CUL3: variants seen among roughly 807,000 people sequenced by gnomAD.
CUL3 encodes cullin 3.
Under a neutral mutation model 89.1 loss-of-function variants are expected in CUL3, and 19 were observed. That is an observed-to-expected ratio of 0.21 (90% CI 0.15 to 0.31). CUL3 has a LOEUF of 0.31. Ranked by LOEUF, CUL3 falls within the 10% of genes least tolerant of loss-of-function variation. CUL3 has a pLI of 1.00. For missense variants in CUL3, 469 were observed against 942.3 expected, an observed-to-expected ratio of 0.50 and a Z score of 6.58; for synonymous variants, 351 against 308.4, an observed-to-expected ratio of 1.14 and a Z score of -1.45.
intron 3 of CUL3, among the ~76,000 whole-genome samples, chr2:224,527,686 T>C (rs1693528417): frequency 6.6e-6 from 1 of 152,310 alleles, no homozygotes; most frequent in Admixed American, 6.5e-5. Context: ...AGATCATCTT[T>C]TTCTTCCCAC....
intron 15 of CUL3, among the ~76,000 whole-genome samples, chr2:224,476,263 C>T (rs1304481704): frequency 1.3e-5 from 2 of 152,100 alleles, no homozygotes; most frequent in Non-Finnish European, 2.9e-5. Flanking sequence ...GTGATCCGCC[C>T]ACCTTGGCCT....
Position 224,486,354 on chromosome 2 carries a change from A to C in CUL3, c.1843-4276T>G, listed in dbSNP as rs1393850856. ...CATGTTCTAACCCTAAGAAGCTAAG[A>C]AGCTAAGAACCTGGATAAAAGGTTA... is the stretch of plus-strand genomic sequence containing the variant. On this transcript the variant is annotated intron_variant, in intron 13 of 15. Coordinates refer to ENST00000264414, the MANE Select transcript of CUL3 (RefSeq NM_003590.5). 2.6e-5 allele frequency among the ~76,000 whole-genome samples: 4 copies of C among 152,158 alleles called. No individual in the cohort carries two copies. In the East Asian group the frequency reaches 7.7e-4, roughly 29 times the overall value.
intron 1 of CUL3, among the ~76,000 whole-genome samples, chr2:224,583,442 T>C (rs1224038986): frequency 6.6e-6 from 1 of 152,190 alleles, no homozygotes; most frequent in Non-Finnish European, 1.5e-5. Context: ...GTGGTCAGAA[T>C]TTAGTAGGAA....
intron 3 of CUL3, among the ~76,000 whole-genome samples, chr2:224,530,881 T>C (rs1332981976): frequency 1.3e-5 from 2 of 151,894 alleles, no homozygotes; most frequent in Non-Finnish European, 2.9e-5. Context: ...GACTCCAGCC[T>C]GGGCGACAGA....
At chr2:224,533,848 C>T (rs1163302013) in intron 3 of CUL3, among the ~76,000 whole-genome samples, 1 of 152,154 alleles carries the variant, frequency 6.6e-6, no homozygotes, top group Non-Finnish European at 1.5e-5. Context: ...AGTGGCCTCT[C>T]CCTGACCCCC....
chr2:224,570,341 C>G (rs749555011), intron 1 of CUL3, among the ~76,000 whole-genome samples: 1 of 152,306 alleles, frequency 6.6e-6, no homozygotes, highest in South Asian at 2.1e-4. Flanking sequence ...GGGACACATT[C>G]AAACAGACTT....
At chr2:224,584,808 C>T (rs1202328211) in intron 1 of CUL3, 136 bp downstream of exon 1, 2 of 431,116 alleles carry the variant, frequency 4.6e-6, no homozygotes, top group African/African-American at 2.2e-5. Flanking sequence ...CGGGAAGGCT[C>T]GCGCCCCGCG....
intron 1 of CUL3, among the ~76,000 whole-genome samples, chr2:224,559,591 A>G (rs1299945462): frequency 6.6e-6 from 1 of 152,140 alleles, no homozygotes; most frequent in Admixed American, 6.5e-5. Flanking sequence ...TTGTACATGC[A>G]CTGTCTCCAA....
intron 3 of CUL3, among the ~76,000 whole-genome samples, chr2:224,518,582 TAAGA>T (rs1188509426): frequency 1.3e-5 from 2 of 152,188 alleles, no homozygotes; most frequent in Non-Finnish European, 2.9e-5. Context: ...CCTCTAATAG[TAAGA>T]ATAATATTTG....
chr2:224,503,547 T>G (rs1309765859), intron 9 of CUL3, 105 bp downstream of exon 9: 1 of 962,942 alleles, frequency 1.0e-6, no homozygotes. Context: ...TTTCTAGAAA[T>G]AAACACTTAA....
chr2:224,527,842 C>T (rs185998362), intron 3 of CUL3, among the ~76,000 whole-genome samples: 4 of 152,268 alleles, frequency 2.6e-5, no homozygotes, highest in African/African-American at 9.6e-5. Flanking sequence ...CCACAGCAAC[C>T]ATTTCAAAAA....
chr2:224,568,899 A>G (rs973051676), intron 1 of CUL3, among the ~76,000 whole-genome samples: 1 of 152,220 alleles, frequency 6.6e-6, no homozygotes, highest in Non-Finnish European at 1.5e-5. Context: ...TGGCAAAATA[A>G]TTATGTTACT....
Position 224,474,202 on chromosome 2 carries a change from C to G in CUL3, c.*43G>C. 4 of 1,571,408 alleles carry G rather than the reference C, an allele frequency of 2.5e-6. No homozygotes were observed. The highest frequency in any genetic ancestry group is 3.5e-6 in the Non-Finnish European group (4 of 1,158,504). On this transcript the variant is annotated 3_prime_UTR_variant, in exon 16 of 16. Coordinates refer to ENST00000264414, the MANE Select transcript of CUL3 (RefSeq NM_003590.5). ...ATTTAAAAGAACTTCCCAGTCCATGCGAAGAGTACAGTCCAAGAATAAATC... is the reference window on the plus strand; with the variant it reads ...ATTTAAAAGAACTTCCCAGTCCATGGGAAGAGTACAGTCCAAGAATAAATC...
At chr2:224,539,593 C>T (rs62187017) in intron 2 of CUL3, among the ~76,000 whole-genome samples, 7,453 of 152,170 alleles carry the variant, frequency 0.049, 240 homozygotes, top group African/African-American at 0.078. Flanking sequence ...AATTGTACTA[C>T]ATTTAGAAAA....
At position 224,534,739 on chromosome 2, in the gene CUL3, T is replaced by C. The variant is rs189563114; in HGVS notation, c.378+789A>G. Among the ~76,000 whole-genome samples, 26 of 152,156 alleles carry C rather than the reference T, an allele frequency of 1.7e-4. No homozygotes were observed. The South Asian group carries it at 2.7e-3, about 16-fold the overall frequency. On this transcript the variant is annotated intron_variant, in intron 3 of 15. Transcript: ENST00000264414. Reference sequence around the variant, plus strand: ...GGCTCACGCCTGTAATCCCAGCACTTTGGGAGGCCGAGGTGGGCAGATCAC... The same window carrying C: ...GGCTCACGCCTGTAATCCCAGCACTCTGGGAGGCCGAGGTGGGCAGATCAC...
chr2:224,528,177 T>G (rs772764127), intron 3 of CUL3, among the ~76,000 whole-genome samples: 9 of 152,156 alleles, frequency 5.9e-5, no homozygotes, highest in Non-Finnish European at 1.3e-4. Context: ...AAAACTGAAA[T>G]CAGTTTCAGC....
chr2:224,584,566 C>T (rs572282673), intron 1 of CUL3, among the ~76,000 whole-genome samples: 7 of 152,138 alleles, frequency 4.6e-5, no homozygotes, highest in African/African-American at 1.7e-4. Flanking sequence ...AAGTTCCACA[C>T]ACGCCCCACA....
chr2:224,576,146 A>T (rs1343689507), intron 1 of CUL3, among the ~76,000 whole-genome samples: 1 of 152,158 alleles, frequency 6.6e-6, no homozygotes, highest in African/African-American at 2.4e-5. Flanking sequence ...GTGGCAATAA[A>T]CCACATCTGG....
intron 14 of CUL3, among the ~76,000 whole-genome samples, chr2:224,481,304 G>A (rs1691530556): frequency 6.6e-6 from 1 of 151,778 alleles, no homozygotes. Context: ...AGGGTGGAGT[G>A]CCTTTTTTCC....
Sources: allele counts gnomAD v4.1 joint callset (sites outside exome capture counted in the v4.1 genomes callset), GRCh38; gene constraint gnomAD v4.1.1; transcripts MANE v1.5; gene names NCBI Gene and HGNC (gene_info 2026-07-23, HGNC 2026-07-21).